Variants in GC observed in about 807,000 individuals in gnomAD.
GC encodes GC vitamin D binding protein, also known as vitamin D-binding protein.
GC carries 43 observed loss-of-function variants against 56.7 expected under a neutral mutation model. The observed-to-expected ratio is 0.76, with a 90% CI of 0.59 to 0.98. GC has a LOEUF of 0.98. Ranked by LOEUF, GC falls within the 50% of genes least tolerant of loss-of-function variation. GC has a pLI of 0.00. For synonymous variants in GC, 216 were observed against 202.7 expected (o/e 1.07, Z -0.56); for missense variants, 529 against 545.9 (o/e 0.97, Z 0.31).
At chr4:71,744,488 TG>T (rs1178334327) in intron 12 of GC, among the ~76,000 whole-genome samples, 1 of 149,680 alleles carries the variant, frequency 6.7e-6, no homozygotes, top group Non-Finnish European at 1.5e-5. Context: ...AAGATACTTC[TG>T]ACATTTGTTC....
chr4:71,754,308 T>C, intron 10 of GC, 103 bp downstream of exon 10: 1 of 636,448 alleles, frequency 1.6e-6, no homozygotes, highest in Non-Finnish European at 2.8e-6. Flanking sequence ...TTTGTTGTTG[T>C]TCACTGAAGA....
In GC at chr4:71,768,334, C is replaced by T. The variant is rs775815249; in HGVS notation, c.228G>A (p.Ala76=). The change falls in exon 3 of 13, where the codon GCG becomes GCA. Residue 76 remains alanine (A), a synonymous_variant. Transcript: ENST00000273951. ...CATAGCAGTCAGGGTCAGCCCCTTC[C>T]GCACAGCAGGCTTCGGTCAAGGAGA... The part of the protein sequence containing the change: ...EVVSLTEACC[A]EGADPDCYDT... 1.6e-5 allele frequency: 26 copies of T among 1,612,978 alleles called. No homozygotes were observed. Among genetic ancestry groups the T allele is most frequent in the East Asian group, 1.6e-4 (7 of 44,792 alleles).
At chr4:71,774,992 G>A (rs961121819) in intron 1 of GC, among the ~76,000 whole-genome samples, 4 of 147,838 alleles carry the variant, frequency 2.7e-5, no homozygotes, top group African/African-American at 9.9e-5. Flanking sequence ...TATCAGTCCT[G>A]GAAAAAAGTC....
chr4:71,804,494 C>G (rs1743319082), upstream of GC, among the ~76,000 whole-genome samples: 1 of 152,040 alleles, frequency 6.6e-6, no homozygotes, highest in African/African-American at 2.4e-5. Flanking sequence ...GTTTTGCCAG[C>G]CAATTGATTC....
chr4:71,755,479 A>G (rs1392761356), intron 8 of GC, among the ~76,000 whole-genome samples: 1 of 152,126 alleles, frequency 6.6e-6, no homozygotes, highest in Non-Finnish European at 1.5e-5. Flanking sequence ...TTAAAATGTG[A>G]AATATCTATC....
upstream of GC, among the ~76,000 whole-genome samples, chr4:71,788,950 A>T (rs945999633): frequency 6.6e-6 from 1 of 151,934 alleles, no homozygotes; most frequent in Admixed American, 6.6e-5. Flanking sequence ...AAAAATATTT[A>T]GGTTCAGTTA....
chr4:71,796,957 G>T (rs1296949049), intron 1 of GC, among the ~76,000 whole-genome samples: 2 of 152,180 alleles, frequency 1.3e-5, no homozygotes, highest in Non-Finnish European at 2.9e-5. Context: ...TTTGCTAAAG[G>T]TCCACTCCAG....
At chr4:71,767,760 C>T (rs1222307023) in intron 3 of GC, among the ~76,000 whole-genome samples, 1 of 151,738 alleles carries the variant, frequency 6.6e-6, no homozygotes, top group Non-Finnish European at 1.5e-5. Flanking sequence ...GTGTACCTAT[C>T]ACCGGAGCCG....
intron 1 of GC, among the ~76,000 whole-genome samples, chr4:71,774,823 A>G (rs1416106099): frequency 6.6e-6 from 1 of 151,952 alleles, no homozygotes; most frequent in South Asian, 2.1e-4. Flanking sequence ...AATTATTTCT[A>G]TGAAAAATTG....
rs555400777 is a variant in GC, at chr4:71,793,211, G to T, written c.22-9157C>A. ...AATTCTGTGAAGAAAGTCATTGGTA[G>T]CTTGATGTGGTTGGCATTGAATCTA... On this transcript the variant is annotated intron_variant, in intron 1 of 13. Coordinates refer to the GC transcript ENST00000504199. Among the ~76,000 whole-genome samples, 6 of 152,292 alleles carry T rather than the reference G, an allele frequency of 3.9e-5. No homozygotes were observed. In the South Asian group the frequency reaches 1.2e-3, roughly 32 times the overall value.
At chr4:71,770,323 A>G (rs1040233575) in intron 1 of GC, among the ~76,000 whole-genome samples, 8 of 152,050 alleles carry the variant, frequency 5.3e-5, no homozygotes, top group African/African-American at 1.9e-4. Context: ...TCCCAGCTCT[A>G]CCCCCAACAA....
intron 1 of GC, among the ~76,000 whole-genome samples, chr4:71,779,652 T>G (rs569113817): frequency 2.0e-5 from 3 of 152,050 alleles, no homozygotes; most frequent in Admixed American, 2.0e-4. Context: ...TTTAGAGGTT[T>G]CTTCATTTTC....
chr4:71,763,554 T>A, intron 5 of GC, 52 bp from the exon 6 acceptor site: 2 of 1,091,498 alleles, frequency 1.8e-6, no homozygotes, highest in Non-Finnish European at 2.8e-6. Context: ...CATTGAATAC[T>A]GTATAAATGG....
intron 1 of GC, among the ~76,000 whole-genome samples, chr4:71,770,570 G>T (rs1181448683): frequency 6.6e-6 from 1 of 152,074 alleles, no homozygotes; most frequent in Non-Finnish European, 1.5e-5. Context: ...TGAATTTTTT[G>T]CCCATTGAGT....
intron 6 of GC, among the ~76,000 whole-genome samples, chr4:71,758,378 T>G (rs575990488): frequency 2.0e-5 from 3 of 152,256 alleles, no homozygotes; most frequent in African/African-American, 7.2e-5. Context: ...CTTTCCAAAT[T>G]TTCAGTACCC....
At chr4:71,752,768 C>T (rs1741599617) in intron 10 of GC, 118 bp from the exon 11 acceptor site, 1 of 909,226 alleles carries the variant, frequency 1.1e-6, no homozygotes, top group African/African-American at 1.7e-5. Flanking sequence ...GAAATACTTG[C>T]CTGTCTCAAG....
chr4:71,780,150 A>T (rs2149305753), intron 1 of GC, among the ~76,000 whole-genome samples: 1 of 152,244 alleles, frequency 6.6e-6, no homozygotes, highest in Middle Eastern at 3.4e-3. Flanking sequence ...TCCCTATTTA[A>T]TAAATGGTGC....
At chr4:71,750,399 A>G (rs1173300045) in intron 11 of GC, among the ~76,000 whole-genome samples, 1 of 152,240 alleles carries the variant, frequency 6.6e-6, no homozygotes, top group East Asian at 1.9e-4. Context: ...AGAAGGAATT[A>G]ACTGAGTGAG....
chr4:71,773,906 T>C (rs763933036), intron 1 of GC, among the ~76,000 whole-genome samples: 3 of 152,078 alleles, frequency 2.0e-5, no homozygotes, highest in Non-Finnish European at 4.4e-5. Context: ...TATTTGTTAG[T>C]ATTTTTTTAA....
Sources: gnomAD v4.1 joint callset for allele counts (sites outside exome capture counted in the v4.1 genomes callset) on GRCh38, gnomAD v4.1.1 for gene constraint, MANE v1.5 for transcripts, NCBI Gene and HGNC (gene_info 2026-07-23, HGNC 2026-07-21) for gene names.